Variants in WDR18 observed in about 807,000 individuals in gnomAD.
WDR18 encodes the protein WD repeat-containing protein 18.
A neutral mutation model predicts 49.6 loss-of-function variants in WDR18; 33 were observed. The ratio of observed to expected loss-of-function variants is 0.67; its 90% CI spans 0.50 to 0.89. The LOEUF (loss-of-function observed/expected upper bound fraction) is 0.89, where lower values mean the gene tolerates loss of function less well. Ranked by LOEUF, WDR18 falls within the 40% of genes least tolerant of loss-of-function variation. The pLI, the probability that WDR18 is intolerant of heterozygous loss-of-function variation, is 0.00. For synonymous variants in WDR18, 315 were observed against 263.6 expected, an observed-to-expected ratio of 1.19 and a Z score of -1.89; for missense variants, 653 against 593.6, an observed-to-expected ratio of 1.10 and a Z score of -1.04.
intron 2 of WDR18, among the ~76,000 whole-genome samples, chr19:988,776 C>G (rs1294112487): frequency 6.6e-6 from 1 of 152,164 alleles, no homozygotes; most frequent in African/African-American, 2.4e-5. Context: ...CCTGCCTCTG[C>G]TGCCACCACT....
chr19:993,621 C>T (rs1004951149), intron 8 of WDR18, among the ~76,000 whole-genome samples: 7 of 152,242 alleles, frequency 4.6e-5, no homozygotes, highest in African/African-American at 7.2e-5. Context: ...CTTGCTGGGC[C>T]GGCCAGGCTC....
intron 8 of WDR18, among the ~76,000 whole-genome samples, chr19:993,520 C>CA (rs2038587895): frequency 6.6e-6 from 1 of 152,266 alleles, no homozygotes; most frequent in South Asian, 2.1e-4. Flanking sequence ...TGCTGGGGCC[C>CA]AAGGCGCTTC....
In WDR18 at chr19:991,222, T is replaced by C. The variant is rs1420863727; in HGVS notation, c.807-5T>C. 6.4e-6 allele frequency: 10 copies of C among 1,570,702 alleles called. No individual in the cohort carries two copies. Among genetic ancestry groups the C allele is most frequent in the Admixed American group, 1.8e-5 (1 of 55,472 alleles). ...GTCCCAGGTGACCCCTGTCTGTCTG[T>C]CCAGGAACCAGGTGACTTGCCTGTC... is the stretch of plus-strand genomic sequence containing the variant. On this transcript the variant is annotated splice_polypyrimidine_tract_variant and splice_region_variant and intron_variant, in intron 6 of 9. Transcript: ENST00000585809.
At chr19:993,575 C>T (rs1313952781) in intron 8 of WDR18, among the ~76,000 whole-genome samples, 15 of 152,264 alleles carry the variant, frequency 9.9e-5, no homozygotes, top group Admixed American at 9.8e-4. Context: ...AGCAACGTCC[C>T]TCCATGTAAC....
At chr19:990,699 C>T in intron 4 of WDR18, 153 bp from the exon 5 acceptor site, 2 of 1,189,792 alleles carry the variant, frequency 1.7e-6, no homozygotes, top group Non-Finnish European at 2.3e-6. Flanking sequence ...GTCCCCTGGC[C>T]CCCAAGACCC....
At chr19:993,913 G>A (rs2038594901) in intron 8 of WDR18, 107 bp from the exon 9 acceptor site, 3 of 1,250,902 alleles carry the variant, frequency 2.4e-6, no homozygotes, top group Non-Finnish European at 3.4e-6. Context: ...CGTCACGGTG[G>A]CCCCTCCCTG....
At position 985,877 on chromosome 19, in the gene WDR18, CAGA is replaced by C; in HGVS notation, c.227_229del (p.Lys76del). 1.2e-6 allele frequency: 2 copies of C among 1,613,876 alleles called. No homozygotes were observed. ...TGTGCATCCTTAGGACCAGCTCCAG[CAGA>C]AGATCATGTGCCCCGGGCCTGTCAC... On this transcript the variant is annotated inframe_deletion, in exon 2 of 10. Coordinates refer to ENST00000585809, the MANE Select transcript of WDR18 (RefSeq NM_024100.4).
Position 994,201 on chromosome 19 carries a change from C to A in WDR18, c.1168-12C>A. Reference sequence around the variant, plus strand: ...GGCCACTTCTGCCCTCTGACCCCGACTTCTCCCGCAGAGCGTGCTCGGCGG... The same window carrying A: ...GGCCACTTCTGCCCTCTGACCCCGAATTCTCCCGCAGAGCGTGCTCGGCGG... On this transcript the variant is annotated splice_polypyrimidine_tract_variant and intron_variant, in intron 9 of 9. Coordinates refer to ENST00000585809, the MANE Select transcript of WDR18 (RefSeq NM_024100.4). The A allele has an allele frequency of 6.3e-7, 1 of 1,593,600 alleles. No individual in the cohort carries two copies. The highest frequency in any genetic ancestry group is 8.5e-7 in the Non-Finnish European group (1 of 1,172,980).
At chr19:987,455 G>T (rs569404055) in intron 2 of WDR18, among the ~76,000 whole-genome samples, 3 of 152,268 alleles carry the variant, frequency 2.0e-5, no homozygotes, top group African/African-American at 4.8e-5. Context: ...TTGAGATGGG[G>T]TCTCACTACA....
At chr19:989,491 A>C (rs959101801) in intron 2 of WDR18, among the ~76,000 whole-genome samples, 23 of 152,286 alleles carry the variant, frequency 1.5e-4, no homozygotes, top group Middle Eastern at 3.4e-3. Context: ...GGCAGCAGGG[A>C]AGGGCAGGAA....
chr19:991,182 C>T (rs1173221854), intron 6 of WDR18, 37 bp downstream of exon 6: 30 of 1,476,762 alleles, frequency 2.0e-5, no homozygotes, highest in Non-Finnish European at 2.5e-5. Flanking sequence ...CTCCCAGGCA[C>T]GTCCTGTCTG....
rs934186768 is a variant in WDR18, at chr19:994,148, G to A, written c.1167+60G>A. 4.5e-6 allele frequency: 7 copies of A among 1,549,492 alleles called. No homozygotes were observed. In the African/African-American group the frequency reaches 6.8e-5, roughly 15 times the overall value. On this transcript the variant is annotated intron_variant, in intron 9 of 9. Coordinates refer to ENST00000585809, the MANE Select transcript of WDR18 (RefSeq NM_024100.4). ...CTGGGGTCAGTCCTGGCCAGTGGGG[G>A]TGAGTGGCCCCCCTCCAGCACACCC...
chr19:987,662 C>T (rs937642507), intron 2 of WDR18, among the ~76,000 whole-genome samples: 12 of 152,122 alleles, frequency 7.9e-5, no homozygotes, highest in African/African-American at 2.4e-4. Context: ...AGTAGACCTC[C>T]TAGCCCTGGT....
At chr19:989,970 C>G in intron 3 of WDR18, 75 bp downstream of exon 3, 1 of 1,525,850 alleles carries the variant, frequency 6.6e-7, no homozygotes, top group Non-Finnish European at 8.8e-7. Context: ...CGCCAAGGCC[C>G]CTGGCGGGAA....
In WDR18 at chr19:990,220, C is replaced by T; in HGVS notation, c.456-3C>T. 14 of 1,596,216 alleles carry T rather than the reference C, an allele frequency of 8.8e-6. No individual in the cohort carries two copies. The highest frequency in any genetic ancestry group is 1.2e-5 in the Non-Finnish European group (14 of 1,178,254). ...TGCTGAGCACCTGCCCCACCCCGCTCAGCGTGCTGCAGGCCGACCCCTCCA... is the reference window on the plus strand; with the variant it reads ...TGCTGAGCACCTGCCCCACCCCGCTTAGCGTGCTGCAGGCCGACCCCTCCA... On this transcript the variant is annotated splice_polypyrimidine_tract_variant and splice_region_variant and intron_variant, in intron 3 of 9. Transcript: ENST00000585809.
In WDR18 at chr19:994,059, C is replaced by G; in HGVS notation, c.1138C>G (p.Gln380Glu). 1 of 1,561,014 alleles carries G rather than the reference C, an allele frequency of 6.4e-7. No individual in the cohort carries two copies. The highest frequency in any genetic ancestry group is 8.7e-7 in the Non-Finnish European group (1 of 1,153,974). ...PSYLDRTEQLQAVLCSTMEKS... is the reference protein window; with the variant it reads ...PSYLDRTEQLEAVLCSTMEKS... ...CTACCTGGACCGCACGGAGCAGCTG[C>G]AGGCCGTCCTGTGCAGCACCATGGA... Residue 380 changes from glutamine (Q) to glutamate (E), a missense_variant, in exon 9 of 10, where the codon CAG becomes GAG. Transcript: ENST00000585809.
At position 989,909 on chromosome 19, in the gene WDR18, C is replaced by G; in HGVS notation, c.455+14C>G. The G allele has an allele frequency of 6.3e-7, 1 of 1,593,254 alleles. No individual in the cohort carries two copies. ...GAGCCTCTGCAGGTAGCGCCTTGCG[C>G]ACTCAGGCCTGCACCTGGAACTGCA... is the stretch of plus-strand genomic sequence containing the variant. On this transcript the variant is annotated intron_variant, in intron 3 of 9. Coordinates refer to ENST00000585809, the MANE Select transcript of WDR18 (RefSeq NM_024100.4).
upstream of WDR18, chr19:984,234 C>T (rs561975196): frequency 8.6e-6 from 9 of 1,052,284 alleles, no homozygotes; most frequent in South Asian, 1.9e-5. Context: ...CTCCGAGGCA[C>T]GGGCGCATGC....
intron 8 of WDR18, 23 bp downstream of exon 8, chr19:992,144 C>T: frequency 4.9e-6 from 7 of 1,434,914 alleles, no homozygotes; most frequent in Non-Finnish European, 6.4e-6. Flanking sequence ...GCAGGGAACC[C>T]CCACTGCCCT....
Sources: gnomAD v4.1 joint callset for allele counts (sites outside exome capture counted in the v4.1 genomes callset) on GRCh38, gnomAD v4.1.1 for gene constraint, MANE v1.5 for transcripts, NCBI Gene and HGNC (gene_info 2026-07-23, HGNC 2026-07-21) for gene names.